Variants in GNAI3 observed in about 807,000 individuals in gnomAD.
GNAI3 encodes guanine nucleotide-binding protein G(i) subunit alpha-3.
GNAI3 carries 12 observed loss-of-function variants against 41.8 expected under a neutral mutation model. That is an observed-to-expected ratio of 0.29 (90% CI 0.18 to 0.47). The LOEUF is 0.47. Among genes scored for constraint, GNAI3 ranks in the 20% least tolerant of loss-of-function variants. The probability of loss-of-function intolerance (pLI) is 1.00; values close to 1 mark genes in which losing one functional copy is unlikely to be tolerated. For missense variants in GNAI3, 360 were observed against 429.6 expected, an observed-to-expected ratio of 0.84 and a Z score of 1.43; for synonymous variants, 132 against 146.5, an observed-to-expected ratio of 0.90 and a Z score of 0.71.
chr1:109,548,887 G>A, intron 1 of GNAI3, 49 bp downstream of exon 1: 1 of 1,241,518 alleles, frequency 8.1e-7, no homozygotes, highest in Non-Finnish European at 1.2e-6. Context: ...GAGCCTAGGC[G>A]CTTGGAAGGC....
At chr1:109,582,343 G>A in intron 4 of GNAI3, 94 bp from the exon 5 acceptor site, 2 of 884,188 alleles carry the variant, frequency 2.3e-6, no homozygotes, top group East Asian at 2.6e-5. Flanking sequence ...TTAATAACTA[G>A]TAACAGGTTT....
rs369746789 is a variant in GNAI3, at chr1:109,553,164, A to G, written c.118+4326A>G. Among the ~76,000 whole-genome samples, 13 of 152,186 alleles carry G rather than the reference A, an allele frequency of 8.5e-5. No individual in the cohort carries two copies. In the South Asian group the frequency reaches 2.3e-3, roughly 27 times the overall value. Reference sequence around the variant, plus strand: ...TTATTATTTTTCATATTAATATACTATTTTCAAAGATCTTCAAAGAATTTT... The same window carrying G: ...TTATTATTTTTCATATTAATATACTGTTTTCAAAGATCTTCAAAGAATTTT... On this transcript the variant is annotated intron_variant, in intron 1 of 8. Transcript: ENST00000369851.
intron 1 of GNAI3, among the ~76,000 whole-genome samples, chr1:109,560,393 T>G (rs1648277389): frequency 6.6e-6 from 1 of 152,214 alleles, no homozygotes; most frequent in African/African-American, 2.4e-5. Flanking sequence ...CTCAGTATAA[T>G]AATCTGAATT....
chr1:109,592,320 A>T, intron 8 of GNAI3, 25 bp from the exon 9 acceptor site: 1 of 831,360 alleles, frequency 1.2e-6, no homozygotes. Context: ...AACTTTTTCT[A>T]ATTAAGAATA....
At chr1:109,591,050 G>GA (rs902875487) in intron 7 of GNAI3, among the ~76,000 whole-genome samples, 29 of 152,316 alleles carry the variant, frequency 1.9e-4, no homozygotes, top group African/African-American at 7.0e-4. Flanking sequence ...AAGTAGACAA[G>GA]ATGGTGTAAA....
intron 1 of GNAI3, among the ~76,000 whole-genome samples, chr1:109,556,292 C>G (rs1232529649): frequency 1.3e-5 from 2 of 152,076 alleles, no homozygotes; most frequent in Non-Finnish European, 1.5e-5. Flanking sequence ...ATTTGCCCAC[C>G]TCAGCCTCCC....
In GNAI3 at chr1:109,594,072, CTG is replaced by C. The variant is rs775766647; in HGVS notation, c.*1752_*1753del. The stretch of plus-strand genomic sequence containing the variant: ...AAATCATAGCTTACAGATGGTATAA[CTG>C]TATTATATAATGGAATTTTCTTTAG... On this transcript the variant is annotated 3_prime_UTR_variant, in exon 9 of 9. Coordinates refer to ENST00000369851, the MANE Select transcript of GNAI3 (RefSeq NM_006496.4). 2 of 152,548 alleles carry C rather than the reference CTG, an allele frequency of 1.3e-5. No individual in the cohort carries two copies. The highest frequency in any genetic ancestry group is 1.5e-5 in the Non-Finnish European group (1 of 68,024). The allele number at this position is 152,548 out of a possible 1,614,324, so 9.4% of individuals were successfully genotyped here.
At chr1:109,554,223 T>C (rs1648083472) in intron 1 of GNAI3, among the ~76,000 whole-genome samples, 1 of 152,202 alleles carries the variant, frequency 6.6e-6, no homozygotes, top group South Asian at 2.1e-4. Context: ...GTATAATGGC[T>C]TCTTTCCTCA....
chr1:109,591,785 T>C (rs1002972567), intron 7 of GNAI3: 2 of 393,586 alleles, frequency 5.1e-6, no homozygotes, highest in Non-Finnish European at 9.1e-6. Flanking sequence ...CTGAAAAGTC[T>C]AAATGAAAAG....
rs145424289 is a variant in GNAI3, at chr1:109,588,886, C to CATCAATCA, written c.874+2027_874+2034dup. Among the ~76,000 whole-genome samples, 1,325 of 151,552 alleles carry CATCAATCA rather than the reference C, an allele frequency of 8.7e-3. 8 individuals carry two copies. The highest frequency in any genetic ancestry group is 0.036 in the South Asian group (172 of 4,784). ...CCAGCCTGGTGACAGAGTGAGACTC[C>CATCAATCA]ATCAATCAATCAATCAATCAATCAA... is the stretch of plus-strand genomic sequence containing the variant. On this transcript the variant is annotated intron_variant, in intron 7 of 8. Transcript: ENST00000369851.
rs1209959386 is a variant in GNAI3 at position 109,573,774 on chromosome 1, G to A, written c.156G>A (p.Gln52=). The change falls in exon 2 of 9, where the codon CAG becomes CAA. Residue 52 remains glutamine, a synonymous_variant. Coordinates refer to ENST00000369851, the MANE Select transcript of GNAI3 (RefSeq NM_006496.4). ...GESGKSTIVK[Q]MKIIHEDGYS... ...CTGGTAAAAGCACCATTGTGAAACA[G>A]ATGAAGTAAGTTGGAATGTAGCGTT... 2 of 1,611,612 alleles carry A rather than the reference G, an allele frequency of 1.2e-6. No individual in the cohort carries two copies. The highest frequency in any genetic ancestry group is 2.2e-5 in the East Asian group (1 of 44,846).
chr1:109,549,897 C>T (rs949219459), intron 1 of GNAI3, among the ~76,000 whole-genome samples: 2 of 152,014 alleles, frequency 1.3e-5, no homozygotes, highest in Non-Finnish European at 2.9e-5. Context: ...CTCAGTAAAT[C>T]ATACAAAGAA....
At chr1:109,579,076 T>C in intron 3 of GNAI3, 128 bp from the exon 4 acceptor site, 2 of 683,756 alleles carry the variant, frequency 2.9e-6, no homozygotes, top group East Asian at 5.3e-5. Context: ...TGCTGGCCTG[T>C]CAGAAAAGGT....
chr1:109,578,835 T>G (rs568483313), intron 3 of GNAI3, among the ~76,000 whole-genome samples: 3 of 152,346 alleles, frequency 2.0e-5, no homozygotes, highest in Non-Finnish European at 4.4e-5. Context: ...GTAGGCTTCC[T>G]TTAATAGAAC....
chr1:109,575,697 A>G (rs1295060440), intron 3 of GNAI3, among the ~76,000 whole-genome samples: 1 of 151,716 alleles, frequency 6.6e-6, no homozygotes, highest in Non-Finnish European at 1.5e-5. Flanking sequence ...ACGCCCAGCT[A>G]ATTTTTGTAT....
At chr1:109,555,126 C>T (rs1301305141) in intron 1 of GNAI3, among the ~76,000 whole-genome samples, 1 of 152,120 alleles carries the variant, frequency 6.6e-6, no homozygotes, top group Non-Finnish European at 1.5e-5. Context: ...TCTACAAATT[C>T]AATGCAATTC....
intron 7 of GNAI3, among the ~76,000 whole-genome samples, chr1:109,590,220 A>C (rs2101111884): frequency 6.6e-6 from 1 of 152,346 alleles, no homozygotes; most frequent in East Asian, 1.9e-4. Context: ...TATAGAAAGC[A>C]ACCAAGTTTT....
At chr1:109,568,247 A>G (rs1648508653) in intron 1 of GNAI3, among the ~76,000 whole-genome samples, 1 of 152,054 alleles carries the variant, frequency 6.6e-6, no homozygotes. Flanking sequence ...ACAATTAAGA[A>G]CATGTGTCTG....
chr1:109,580,361 T>G (rs1648861661), intron 4 of GNAI3, among the ~76,000 whole-genome samples: 2 of 152,156 alleles, frequency 1.3e-5, no homozygotes, highest in Non-Finnish European at 1.5e-5. Context: ...TCTGTATTTC[T>G]CTCTGTACTG....
Sources: gnomAD v4.1 joint callset for allele counts (sites outside exome capture counted in the v4.1 genomes callset) on GRCh38, gnomAD v4.1.1 for gene constraint, MANE v1.5 for transcripts, NCBI Gene and HGNC (gene_info 2026-07-23, HGNC 2026-07-21) for gene names.